The following ZNF215 variants were observed in gnomAD, a reference collection of about 807,000 sequenced individuals.
ZNF215 encodes the protein zinc finger protein 215.
A neutral mutation model predicts 27.2 loss-of-function variants in ZNF215; 24 were observed. That is an observed-to-expected ratio of 0.88 (90% CI 0.64 to 1.24). The LOEUF is 1.24. ZNF215 is among the 50% of genes most tolerant of loss of function. The pLI, the probability that ZNF215 is intolerant of heterozygous loss-of-function variation, is 0.00. For missense variants in ZNF215, 675 were observed against 605.7 expected (o/e 1.11, Z -1.20); for synonymous variants, 210 against 204.0 (o/e 1.03, Z -0.25).
Position 6,971,061 on chromosome 11 carries a change from A to G in ZNF215, c.806-13068A>G, listed in dbSNP as rs1368453517. On this transcript the variant is annotated intron_variant, in intron 5 of 5. Transcript: ENST00000529903. Reference sequence around the variant, plus strand: ...ACCTAAAGGGTCATGTGGAGGAAATACCCCTTCAGCCAACTTTAAATATTA... The same window carrying G: ...ACCTAAAGGGTCATGTGGAGGAAATGCCCCTTCAGCCAACTTTAAATATTA... Among the ~76,000 whole-genome samples, 3 of 151,970 alleles carry G rather than the reference A, an allele frequency of 2.0e-5. No homozygotes were observed. The East Asian group carries it at 5.8e-4, about 29-fold the overall frequency.
At chr11:6,951,169 A>C (rs1850040994) in intron 6 of ZNF215, among the ~76,000 whole-genome samples, 1 of 152,198 alleles carries the variant, frequency 6.6e-6, no homozygotes. Flanking sequence ...ATCAATGTTC[A>C]TCAAGGATAT....
downstream of ZNF215, among the ~76,000 whole-genome samples, chr11:6,960,123 CACATATTGGGCTGATAGACA>C (rs549668169): frequency 4.9e-4 from 74 of 152,034 alleles, no homozygotes; most frequent in Non-Finnish European, 9.0e-4. Flanking sequence ...ACTTAAAGAT[CACATATTGGGCTGATAGACA>C]ACATATAAAA....
Position 6,948,592 on chromosome 11 carries a change from G to C in ZNF215, c.712+4951G>C, listed in dbSNP as rs551724687. Among the ~76,000 whole-genome samples the C allele has an allele frequency of 5.9e-5, 9 of 152,250 alleles. No individual in the cohort carries two copies. The South Asian group carries it at 1.9e-3, about 32-fold the overall frequency. ...TTTGTTAAGCTAGAGGACTATGATA[G>C]TCAAGTGGAGATGTCCTAGAAAGTG... On this transcript the variant is annotated intron_variant, in intron 6 of 6. Coordinates refer to ENST00000278319, the MANE Select transcript of ZNF215 (RefSeq NM_013250.4).
At chr11:6,981,108 C>T (rs1590088375) in intron 5 of ZNF215, among the ~76,000 whole-genome samples, 1 of 151,224 alleles carries the variant, frequency 6.6e-6, no homozygotes, top group African/African-American at 2.4e-5. Context: ...GATTTATAGT[C>T]CTTTGGGTAT....
At chr11:6,972,341 A>G (rs895828724) in intron 5 of ZNF215, among the ~76,000 whole-genome samples, 1 of 152,116 alleles carries the variant, frequency 6.6e-6, no homozygotes, top group Admixed American at 6.6e-5. Context: ...TTACAAAAAC[A>G]GGTGACAGGC....
chr11:6,964,315 T>C (rs1425934036), intron 5 of ZNF215, among the ~76,000 whole-genome samples: 1 of 152,066 alleles, frequency 6.6e-6, no homozygotes, highest in Non-Finnish European at 1.5e-5. Flanking sequence ...TTATCAATTG[T>C]TTCTCTCATT....
chr11:6,983,946 G>A (rs1851011323), intron 5 of ZNF215, among the ~76,000 whole-genome samples: 1 of 151,866 alleles, frequency 6.6e-6, no homozygotes, highest in African/African-American at 2.4e-5. Flanking sequence ...GAATTATAAA[G>A]TTTAACACCA....
chr11:6,982,494 C>G (rs1474795435), intron 5 of ZNF215, among the ~76,000 whole-genome samples: 1 of 152,014 alleles, frequency 6.6e-6, no homozygotes, highest in Non-Finnish European at 1.5e-5. Context: ...CAAAATTGAC[C>G]ACATACTTGG....
intron 4 of ZNF215, 55 bp downstream of exon 4, chr11:6,941,708 T>A: frequency 6.4e-7 from 1 of 1,571,098 alleles, no homozygotes. Flanking sequence ...TAGTATTACC[T>A]GCTTTCAATT....
intron 1 of ZNF215, 80 bp from the exon 2 acceptor site, chr11:6,927,582 G>C (rs1343746817): frequency 6.6e-6 from 1 of 152,150 alleles, no homozygotes; most frequent in African/African-American, 2.4e-5. Flanking sequence ...TCTTAATCCT[G>C]AATCCCACCT....
intron 2 of ZNF215, among the ~76,000 whole-genome samples, chr11:6,930,694 T>C (rs1849223916): frequency 6.6e-6 from 1 of 152,248 alleles, no homozygotes; most frequent in African/African-American, 2.4e-5. Context: ...GCATATGATC[T>C]ACTGAGAGCT....
chr11:6,990,494 A>G (rs139306641), downstream of ZNF215, among the ~76,000 whole-genome samples: 518 of 152,380 alleles, frequency 3.4e-3, 4 homozygotes, highest in African/African-American at 0.012. Context: ...ACACCAGAAA[A>G]AAATGGCTGC....
intron 5 of ZNF215, among the ~76,000 whole-genome samples, chr11:6,969,679 T>C (rs1478727675): frequency 6.6e-6 from 1 of 152,214 alleles, no homozygotes; most frequent in Non-Finnish European, 1.5e-5. Context: ...AGTATACTTA[T>C]TAAACATGAT....
In ZNF215 at chr11:6,952,690, T is replaced by G. The variant is rs372598919; in HGVS notation, c.713-3000T>G. ...TGATGGGTCTTGACTCTTTATCCAA[T>G]TTGCCAGTCCGTGTCTTTTAATTGG... is the stretch of plus-strand genomic sequence containing the variant. On this transcript the variant is annotated intron_variant, in intron 6 of 6. Transcript: ENST00000278319. Among the ~76,000 whole-genome samples, 158 of 152,288 alleles carry G rather than the reference T, an allele frequency of 1.0e-3. 2 individuals carry two copies. The East Asian group carries it at 0.026, about 25-fold the overall frequency.
At chr11:6,948,681 G>C (rs1157868439) in intron 6 of ZNF215, among the ~76,000 whole-genome samples, 1 of 152,142 alleles carries the variant, frequency 6.6e-6, no homozygotes, top group Non-Finnish European at 1.5e-5. Flanking sequence ...ACCAATAAAT[G>C]TTGGAGAATA....
In ZNF215 at chr11:6,968,791, A is replaced by C. The variant is rs543522339; in HGVS notation, c.805+13009A>C. ...TGAGGTGGGAGGATCACCTGAGCCC[A>C]GGAGGTTGAGGCTGCAGTGAGCCAT... On this transcript the variant is annotated intron_variant, in intron 5 of 5. Transcript: ENST00000529903. 2.0e-5 allele frequency among the ~76,000 whole-genome samples: 3 copies of C among 152,204 alleles called. No homozygotes were observed. The South Asian group carries it at 6.2e-4, about 32-fold the overall frequency.
At chr11:6,993,677 T>C (rs1003499173), downstream of ZNF215, among the ~76,000 whole-genome samples, 7 of 152,214 alleles carry the variant, frequency 4.6e-5, no homozygotes, top group African/African-American at 1.7e-4. Context: ...TTATCCTATT[T>C]TTTGTTCTTT....
At chr11:6,975,152 A>T (rs187071543) in intron 5 of ZNF215, among the ~76,000 whole-genome samples, 1 of 152,154 alleles carries the variant, frequency 6.6e-6, no homozygotes, top group African/African-American at 2.4e-5. Flanking sequence ...TGAGATAATC[A>T]TGTGGTTTTT....
chr11:6,968,146 A>C (rs146603849), intron 5 of ZNF215, among the ~76,000 whole-genome samples: 2 of 151,920 alleles, frequency 1.3e-5, no homozygotes, highest in African/African-American at 2.4e-5. Context: ...TGGTCTATAT[A>C]TCTGTTTTGG....
Sources: gnomAD v4.1 joint callset for allele counts (sites outside exome capture counted in the v4.1 genomes callset) on GRCh38, gnomAD v4.1.1 for gene constraint, MANE v1.5 for transcripts, NCBI Gene and HGNC (gene_info 2026-07-23, HGNC 2026-07-21) for gene names.